Variants in CHD5 observed in about 807,000 individuals in gnomAD.
CHD5 encodes the protein ATP-dependent chromatin remodeler CHD5.
A neutral mutation model predicts 230.3 loss-of-function variants in CHD5; 69 were observed. The ratio of observed to expected loss-of-function variants is 0.30; its 90% CI spans 0.25 to 0.37. The LOEUF (loss-of-function observed/expected upper bound fraction) is 0.37, where lower values mean the gene tolerates loss of function less well. CHD5 is among the 10% of genes least tolerant of loss of function. The probability of loss-of-function intolerance (pLI) is 1.00; values close to 1 mark genes in which losing one functional copy is unlikely to be tolerated. For missense variants in CHD5, 1,827 were observed against 2,622.8 expected, an observed-to-expected ratio of 0.70 and a Z score of 6.63; for synonymous variants, 1,064 against 1,065.9, an observed-to-expected ratio of 1.00 and a Z score of 0.03.
chr1:6,107,880 G>A (rs1666218918), intron 38 of CHD5, among the ~76,000 whole-genome samples: 1 of 146,944 alleles, frequency 6.8e-6, no homozygotes, highest in African/African-American at 2.5e-5. Flanking sequence ...ATGGAGGGAT[G>A]GAGGGGTGGA....
chr1:6,146,168 C>T lies in CHD5; in HGVS notation c.1802+44G>A, dbSNP rs756048125. On this transcript the variant is annotated intron_variant, in intron 11 of 41. Coordinates refer to ENST00000262450, the MANE Select transcript of CHD5 (RefSeq NM_015557.3). This position sits in a 1 kb window ranked among gnomAD's most constrained non-coding sequence, Gnocchi z 5.1. ...TTACAGGGCAAAGAAGCTGACGTGG[C>T]CCGGCCCCAGCGATGGGCAGGGTGG... The T allele has an allele frequency of 6.3e-7, 1 of 1,595,556 alleles. No homozygotes were observed. The highest frequency in any genetic ancestry group is 1.7e-5 in the Admixed American group (1 of 59,750).
chr1:6,169,976 C>A (rs1667311362), intron 1 of CHD5, among the ~76,000 whole-genome samples: 2 of 152,094 alleles, frequency 1.3e-5, no homozygotes, highest in Non-Finnish European at 2.9e-5. Flanking sequence ...CCAGTGGGAC[C>A]CCGCGGAGGA....
At chr1:6,148,584 C>T (rs940507445) in intron 9 of CHD5, among the ~76,000 whole-genome samples, 6 of 152,174 alleles carry the variant, frequency 3.9e-5, no homozygotes, top group South Asian at 4.1e-4. Flanking sequence ...ACAGTGGTCG[C>T]GGTGTTGGCA....
rs1004357928 is a variant in CHD5, at chr1:6,154,205, A to T, written c.745+455T>A. Among the ~76,000 whole-genome samples the T allele has an allele frequency of 1.3e-5, 2 of 152,132 alleles. No homozygotes were observed. The highest frequency in any genetic ancestry group is 4.8e-5 in the African/African-American group (2 of 41,422). Reference sequence around the variant, plus strand: ...GAGGGCCTGGAGAACAACCCTGCACACAGTGGGTATGCAGACAAGAAGAAG... The same window carrying T: ...GAGGGCCTGGAGAACAACCCTGCACTCAGTGGGTATGCAGACAAGAAGAAG... On this transcript the variant is annotated intron_variant, in intron 5 of 41. Transcript: ENST00000262450. This position sits in a 1 kb window ranked among gnomAD's most constrained non-coding sequence, Gnocchi z 7.0.
At chr1:6,172,946 T>G (rs11808934) in intron 1 of CHD5, among the ~76,000 whole-genome samples, 26,402 of 151,780 alleles carry the variant, frequency 0.17, 4,772 homozygotes, top group African/African-American at 0.47. Flanking sequence ...GAGCGAAAGT[T>G]AGGTCATCTG....
At position 6,180,047 on chromosome 1, in the gene CHD5, G is replaced by A; in HGVS notation, c.-24C>T. ...ATGCCCGGCGCGGGGAGGAGGGGAG[G>A]TGGGCGCCCCCCCTCCCGCCGGGCG... On this transcript the variant is annotated 5_prime_UTR_variant, in exon 1 of 42. Coordinates refer to ENST00000262450, the MANE Select transcript of CHD5 (RefSeq NM_015557.3). 2 of 1,263,746 alleles carry A rather than the reference G, an allele frequency of 1.6e-6. No homozygotes were observed. The highest frequency in any genetic ancestry group is 2.0e-6 in the Non-Finnish European group (2 of 985,350). 78.3% of individuals were successfully genotyped at this position (1,263,746 alleles called of 1,614,324 possible).
intron 1 of CHD5, among the ~76,000 whole-genome samples, chr1:6,170,064 A>C (rs574006806): frequency 6.6e-6 from 1 of 152,260 alleles, no homozygotes; most frequent in African/African-American, 2.4e-5. Flanking sequence ...GTTTAGAGAC[A>C]GAGAGCCCCT....
chr1:6,102,403 G>C lies in CHD5; in HGVS notation c.*3071C>G, dbSNP rs1666078720. On this transcript the variant is annotated 3_prime_UTR_variant, in exon 42 of 42. Coordinates refer to ENST00000262450, the MANE Select transcript of CHD5 (RefSeq NM_015557.3). Reference sequence around the variant, plus strand: ...GGCCTTGCACAGAAGAGACTTGGGGGAGGGGCCGAGGCCAGGTCACCAAGA... The same window carrying C: ...GGCCTTGCACAGAAGAGACTTGGGGCAGGGGCCGAGGCCAGGTCACCAAGA... The C allele has an allele frequency of 6.5e-6, 1 of 154,130 alleles. No homozygotes were observed. The highest frequency in any genetic ancestry group is 1.4e-5 in the Non-Finnish European group (1 of 69,126). 9.5% of individuals were successfully genotyped at this position (154,130 alleles called of 1,614,324 possible).
In CHD5 at chr1:6,148,855, G is replaced by A; in HGVS notation, c.1382C>T (p.Thr461Ile). 1.9e-6 allele frequency: 3 copies of A among 1,552,682 alleles called. No individual in the cohort carries two copies. The highest frequency in any genetic ancestry group is 2.6e-6 in the Non-Finnish European group (3 of 1,148,196). ...PNGEWLCPRC[T>I]CPPLKGKVQR... ...GCGCGGGGCGGGCGGAACACTCACA[G>A]TACAGCGCGGGCAGAGCCATTCACC... The change falls in exon 9 of 42, where the codon ACT becomes ATT. Residue 461 changes from threonine to isoleucine, a missense_variant and splice_region_variant. Coordinates refer to ENST00000262450, the MANE Select transcript of CHD5 (RefSeq NM_015557.3).
intron 1 of CHD5, among the ~76,000 whole-genome samples, chr1:6,172,086 C>T (rs1217820206): frequency 2.0e-5 from 3 of 152,246 alleles, no homozygotes; most frequent in Non-Finnish European, 4.4e-5. Flanking sequence ...CCCTCTCTAG[C>T]TCCCAGTATG....
intron 1 of CHD5, among the ~76,000 whole-genome samples, chr1:6,174,762 G>A (rs1667395216): frequency 6.6e-6 from 1 of 151,742 alleles, no homozygotes; most frequent in South Asian, 2.1e-4. Context: ...ATGGATGGAT[G>A]ATGAATTGAT....
At position 6,128,572 on chromosome 1, in the gene CHD5, G is replaced by A. The variant is rs761205850; in HGVS notation, c.3657C>T (p.Ile1219=). The A allele has an allele frequency of 5.0e-6, 8 of 1,614,128 alleles. No individual in the cohort carries two copies. The South Asian group carries it at 6.6e-5, about 13-fold the overall frequency. Residue 1219 remains isoleucine, a synonymous_variant, in exon 24 of 42, where the codon ATC becomes ATT. Coordinates refer to ENST00000262450, the MANE Select transcript of CHD5 (RefSeq NM_015557.3). The surrounding 1 kb of genome is among the most constrained non-coding windows in gnomAD (Gnocchi z 7.8). The stretch of plus-strand genomic sequence containing the variant: ...CCCCTTTGGAGGACTGGACATCAGG[G>A]ATGGGTGTGACCGGCCTCTGGCCCT... ...MSQGQRPVTP[I]PDVQSSKGGN...
intron 2 of CHD5, among the ~76,000 whole-genome samples, chr1:6,160,471 G>C (rs879096928): frequency 2.1e-5 from 3 of 144,086 alleles, no homozygotes; most frequent in Non-Finnish European, 4.6e-5. Context: ...CAGAGAAGGA[G>C]AGCCCCAGCC....
At position 6,155,458 on chromosome 1, in the gene CHD5, C is replaced by T. The variant is rs1249356570; in HGVS notation, c.506+141G>A. On this transcript the variant is annotated intron_variant, in intron 4 of 41. Coordinates refer to ENST00000262450, the MANE Select transcript of CHD5 (RefSeq NM_015557.3). This position sits in a 1 kb window ranked among gnomAD's most constrained non-coding sequence, Gnocchi z 4.0. Reference sequence around the variant, plus strand: ...ATGAAGGGGTCCTGCCCCCTCCCTCCAGCTCCCCCAGGTTGCTCAGTCGGT... The same window carrying T: ...ATGAAGGGGTCCTGCCCCCTCCCTCTAGCTCCCCCAGGTTGCTCAGTCGGT... The T allele has an allele frequency of 3.0e-6, 2 of 674,718 alleles. No individual in the cohort carries two copies. The highest frequency in any genetic ancestry group is 5.2e-6 in the Non-Finnish European group (2 of 384,276). The allele number at this position is 674,718 out of a possible 1,614,324, so 41.8% of individuals were successfully genotyped here.
At chr1:6,136,073 G>A (rs1400460012) in intron 17 of CHD5, among the ~76,000 whole-genome samples, 12 of 151,928 alleles carry the variant, frequency 7.9e-5, no homozygotes, top group Non-Finnish European at 7.4e-5. Context: ...TCGACACTGT[G>A]CACCCTGAAC....
chr1:6,123,955 G>T lies in CHD5; in HGVS notation c.4692C>A (p.Gly1564=). The T allele has an allele frequency of 6.4e-7, 1 of 1,567,824 alleles. No homozygotes were observed. The highest frequency in any genetic ancestry group is 8.6e-7 in the Non-Finnish European group (1 of 1,160,298). The change falls in exon 31 of 42, where the codon GGC becomes GGA. Residue 1564 remains glycine (G), a synonymous_variant. Coordinates refer to ENST00000262450, the MANE Select transcript of CHD5 (RefSeq NM_015557.3). ...CCCGCCCAGCCCACAGACCTGGCAG[G>T]CCCAGCGGGGCTGGCAGGAGGTGGG... The part of the protein sequence containing the change: ...SPAHLLPAPL[G]LPDKMEAQLG...
At chr1:6,165,348 C>G (rs779038231) in intron 2 of CHD5, among the ~76,000 whole-genome samples, 1 of 152,188 alleles carries the variant, frequency 6.6e-6, no homozygotes, top group Admixed American at 6.5e-5. Context: ...CAGGTCTCTG[C>G]TGCACCCCAC....
chr1:6,161,357 C>A (rs1667175340), intron 2 of CHD5, among the ~76,000 whole-genome samples: 1 of 152,164 alleles, frequency 6.6e-6, no homozygotes, highest in South Asian at 2.1e-4. Context: ...GGGGCCCCCT[C>A]TGACATCCAG....
intron 5 of CHD5, among the ~76,000 whole-genome samples, chr1:6,153,910 A>G (rs866222693): frequency 2.2e-4 from 33 of 152,186 alleles, no homozygotes; most frequent in African/African-American, 7.2e-4. Flanking sequence ...TGGGGAGATC[A>G]ACATCCCCAG....
Sources: allele counts gnomAD v4.1 joint callset (sites outside exome capture counted in the v4.1 genomes callset), GRCh38; gene constraint gnomAD v4.1.1; non-coding constraint Gnocchi (gnomAD v3.1); transcripts MANE v1.5; gene names NCBI Gene and HGNC (gene_info 2026-07-23, HGNC 2026-07-21).